RGPD1: variants seen among roughly 807,000 people sequenced by gnomAD.
RGPD1 encodes RANBP2-like and GRIP domain-containing protein 1.
In RGPD1, 7 loss-of-function variants were observed where a neutral mutation model predicts 40.6. The observed-to-expected ratio is 0.17, with a 90% CI of 0.10 to 0.32. RGPD1 has a LOEUF of 0.32. Ranked by LOEUF, RGPD1 falls within the 10% of genes least tolerant of loss-of-function variation. RGPD1 has a pLI of 1.00. For synonymous variants in RGPD1, 24 were observed against 167.0 expected (o/e 0.14, Z 6.60); for missense variants, 50 against 472.5 (o/e 0.11, Z 8.29).
chr2:86,926,108 A>G (rs1388921052), intron 1 of RGPD1, among the ~76,000 whole-genome samples: 1 of 152,306 alleles, frequency 6.6e-6, no homozygotes, highest in Non-Finnish European at 1.5e-5. Flanking sequence ...GAAATATATA[A>G]TAGACATAGA....
At chr2:86,930,748 G>A (rs1479489717) in intron 1 of RGPD1, 9 of 1,452,518 alleles carry the variant, frequency 6.2e-6, no homozygotes, top group African/African-American at 3.1e-5. Context: ...CTGCTGGCCC[G>A]AGCCATACCT....
chr2:86,925,817 A>C (rs2104687129), intron 1 of RGPD1, among the ~76,000 whole-genome samples: 1 of 151,906 alleles, frequency 6.6e-6, no homozygotes, highest in Admixed American at 6.5e-5. Context: ...CCATCCTCCC[A>C]TTTCAGCCTC....
chr2:86,997,297 C>T (rs1681817526), intron 21 of RGPD1, among the ~76,000 whole-genome samples: 2 of 50,336 alleles, frequency 4.0e-5, no homozygotes, highest in South Asian at 2.5e-3. Flanking sequence ...ATGCAGCAAT[C>T]CACTTTCTAG....
intron 1 of RGPD1, among the ~76,000 whole-genome samples, chr2:86,925,074 T>C (rs1678379887): frequency 1.3e-5 from 2 of 152,386 alleles, no homozygotes; most frequent in East Asian, 1.9e-4. Flanking sequence ...TGCTTATGTA[T>C]CTTTTTGTGA....
chr2:86,914,870 GCGGCGGCGGCGGCGGC>G lies in RGPD1; in HGVS notation c.72+951_72+966del, dbSNP rs1677709488. ...CCGGGCGGCGGCGGCGGCGGCGGCG[GCGGCGGCGGCGGCGGC>G]CTCGACCTGGCCGGGCGGCGGCGGA... On this transcript the variant is annotated intron_variant, in intron 1 of 22. Transcript: ENST00000398193. Among the ~76,000 whole-genome samples the G allele has an allele frequency of 7.9e-5, 2 of 25,458 alleles. 1 individual carries two copies. Among genetic ancestry groups the G allele is most frequent in the African/African-American group, 3.7e-4 (2 of 5,478 alleles). The allele number at this position is 25,458 out of a possible 152,430, so 16.7% of individuals were successfully genotyped here.
intron 1 of RGPD1, among the ~76,000 whole-genome samples, chr2:86,918,714 C>T (rs1189629578): frequency 6.9e-6 from 1 of 144,760 alleles, no homozygotes; most frequent in African/African-American, 2.7e-5. Flanking sequence ...CCGTCTCAGC[C>T]TCCCAAAGTG....
rs917386050 is a variant in RGPD1, at chr2:86,930,628, A to T, written c.72+16707A>T. On this transcript the variant is annotated intron_variant, in intron 1 of 22. Transcript: ENST00000398193. The stretch of plus-strand genomic sequence containing the variant: ...GTGCAGCAGCCAGTCTCCCCGCAGC[A>T]GTGAACACTCTCACAGAGGTAGGGC... The T allele has an allele frequency of 2.5e-6, 4 of 1,611,574 alleles. No homozygotes were observed. In the Admixed American group the frequency reaches 6.7e-5, roughly 27 times the overall value.
chr2:86,936,955 T>C (rs1395194921), intron 1 of RGPD1, among the ~76,000 whole-genome samples: 1 of 118,740 alleles, frequency 8.4e-6, no homozygotes, highest in Non-Finnish European at 1.7e-5. Context: ...GTCAACACTT[T>C]TGAGTGCACA....
upstream of RGPD1, among the ~76,000 whole-genome samples, chr2:86,938,878 A>G (rs1004009322): frequency 2.5e-4 from 32 of 130,476 alleles, no homozygotes; most frequent in East Asian, 1.6e-3. Flanking sequence ...GACTCTCTCA[A>G]AAAAGAAAAA....
intron 1 of RGPD1, among the ~76,000 whole-genome samples, chr2:86,915,221 A>G (rs1677736113): frequency 1.3e-5 from 2 of 150,712 alleles, no homozygotes; most frequent in African/African-American, 4.9e-5. Context: ...GCTTGAACCC[A>G]GAATGCGGAG....
intron 22 of RGPD1, among the ~76,000 whole-genome samples, chr2:87,008,754 A>G (rs1682140244): frequency 3.2e-5 from 1 of 31,584 alleles, no homozygotes; most frequent in Admixed American, 3.6e-4. Flanking sequence ...AAACACTAAG[A>G]AGAAATAAAG....
At chr2:86,925,258 T>C (rs1346337805) in intron 1 of RGPD1, among the ~76,000 whole-genome samples, 17 of 151,556 alleles carry the variant, frequency 1.1e-4, no homozygotes, top group African/African-American at 3.9e-4. Context: ...AATGTATCAG[T>C]TTTTTATTTT....
In RGPD1 at chr2:86,945,337, A is replaced by G. The variant is rs953129928; in HGVS notation, c.72+3029A>G. ...GAGTAACTTTGGAACATGTGAAGCT[A>G]TTCTGTAAAGTTAGGTTTGAGTGAA... On this transcript the variant is annotated intron_variant, in intron 1 of 22. Coordinates refer to ENST00000641458, the MANE Select transcript of RGPD1 (RefSeq NM_001382344.1). Among the ~76,000 whole-genome samples, 103 of 152,076 alleles carry G rather than the reference A, an allele frequency of 6.8e-4. 1 individual carries two copies. The highest frequency in any genetic ancestry group is 1.3e-4 in the Non-Finnish European group (9 of 68,006).
rs192432917 is a variant in RGPD1, at chr2:86,944,919, A to G, written c.72+2611A>G. ...TTTAATGTAGAGACGGGGTCTTACCATGTTACCCAGGCTGGTCTCCAACTC... is the reference window on the plus strand; with the variant it reads ...TTTAATGTAGAGACGGGGTCTTACCGTGTTACCCAGGCTGGTCTCCAACTC... On this transcript the variant is annotated intron_variant, in intron 1 of 22. Coordinates refer to ENST00000641458, the MANE Select transcript of RGPD1 (RefSeq NM_001382344.1). Among the ~76,000 whole-genome samples the G allele has an allele frequency of 6.8e-4, 103 of 151,240 alleles. No homozygotes were observed. The East Asian group carries it at 0.016, about 23-fold the overall frequency.
chr2:86,942,215 C>T lies in RGPD1; in HGVS notation c.-22C>T, dbSNP rs1227640779. 40 of 1,596,500 alleles carry T rather than the reference C, an allele frequency of 2.5e-5. No homozygotes were observed. The highest frequency in any genetic ancestry group is 3.0e-5 in the Non-Finnish European group (35 of 1,173,004). On this transcript the variant is annotated 5_prime_UTR_variant, in exon 1 of 23. Coordinates refer to ENST00000641458, the MANE Select transcript of RGPD1 (RefSeq NM_001382344.1). Reference sequence around the variant, plus strand: ...GGCTGAGCGCTGGTTTCACGCGTCTCGGGAGCCAGGTTGGCGGTGCGATGA... The same window carrying T: ...GGCTGAGCGCTGGTTTCACGCGTCTTGGGAGCCAGGTTGGCGGTGCGATGA...
intron 1 of RGPD1, among the ~76,000 whole-genome samples, chr2:86,918,183 T>C (rs1428896806): frequency 3.3e-5 from 5 of 151,188 alleles, no homozygotes; most frequent in Non-Finnish European, 1.5e-5. Flanking sequence ...CCATCTACTC[T>C]GTACTTATAC....
intron 22 of RGPD1, chr2:87,003,294 CA>C (rs1256524148): frequency 6.8e-6 from 1 of 146,976 alleles, no homozygotes; most frequent in African/African-American, 2.7e-5. Flanking sequence ...TAAAACCAGA[CA>C]GAACAGAAAA....
At position 87,013,513 on chromosome 2, in the gene RGPD1, CAGAGTA is replaced by C. The variant is rs1682273671; in HGVS notation, c.*971_*976del. 8.4e-6 allele frequency: 1 copy of C among 119,614 alleles called. No individual in the cohort carries two copies. Among genetic ancestry groups the C allele is most frequent in the Non-Finnish European group, 1.7e-5 (1 of 59,364 alleles). 7.4% of individuals were successfully genotyped at this position (119,614 alleles called of 1,614,324 possible). A position where few individuals can be genotyped will look rare whatever the true frequency, so the allele number is the denominator to read the frequency against. ...GATACATGTTACATACATGATGAGACAGAGTAAGAGAATGGGGAAAGGGTTTTTAGA... is the reference window on the plus strand; with the variant it reads ...GATACATGTTACATACATGATGAGACAGAGAATGGGGAAAGGGTTTTTAGA... On this transcript the variant is annotated 3_prime_UTR_variant, in exon 23 of 23. Coordinates refer to ENST00000641458, the MANE Select transcript of RGPD1 (RefSeq NM_001382344.1).
At chr2:86,928,917 C>A (rs1018413820) in intron 1 of RGPD1, among the ~76,000 whole-genome samples, 2 of 151,054 alleles carry the variant, frequency 1.3e-5, no homozygotes, top group Non-Finnish European at 2.9e-5. Flanking sequence ...GGGATAGTCA[C>A]AGAGCAGTAA....
Sources: allele counts gnomAD v4.1 joint callset (sites outside exome capture counted in the v4.1 genomes callset), GRCh38; gene constraint gnomAD v4.1.1; transcripts MANE v1.5; gene names NCBI Gene and HGNC (gene_info 2026-07-23, HGNC 2026-07-21).